The following PDE6A variants were observed in gnomAD, a reference collection of about 807,000 sequenced individuals.
PDE6A encodes phosphodiesterase 6A, also known as rod cGMP-specific 3',5'-cyclic phosphodiesterase subunit alpha.
Under a neutral mutation model 106.3 loss-of-function variants are expected in PDE6A, and 84 were observed. The ratio of observed to expected loss-of-function variants is 0.79; its 90% confidence interval spans 0.66 to 0.95. The LOEUF is 0.95. Among genes scored for constraint, PDE6A ranks in the 40% least tolerant of loss-of-function variants. The pLI is 0.00. For synonymous variants in PDE6A, 394 were observed against 386.6 expected, an observed-to-expected ratio of 1.02 and a Z score of -0.23; for missense variants, 1,052 against 1,084.9, an observed-to-expected ratio of 0.97 and a Z score of 0.43.
chr5:149,908,771 A>G (rs1753280584), intron 6 of PDE6A, among the ~76,000 whole-genome samples: 1 of 152,138 alleles, frequency 6.6e-6, no homozygotes, highest in African/African-American at 2.4e-5. Flanking sequence ...AGCCCCAGCG[A>G]CTGAGGAGTC....
chr5:149,935,816 G>C (rs1754164811), intron 1 of PDE6A, among the ~76,000 whole-genome samples: 1 of 152,218 alleles, frequency 6.6e-6, no homozygotes, highest in Non-Finnish European at 1.5e-5. Flanking sequence ...GCCGTTCTGA[G>C]TGGAAATGTA....
At chr5:149,866,430 A>G in intron 19 of PDE6A, 177 bp from the exon 20 acceptor site, 1 of 574,504 alleles carries the variant, frequency 1.7e-6, no homozygotes, top group Non-Finnish European at 3.1e-6. Context: ...GGGTGTAACC[A>G]ACCAAATCCA....
intron 3 of PDE6A, among the ~76,000 whole-genome samples, chr5:149,933,727 C>A (rs1361356412): frequency 6.6e-6 from 1 of 152,220 alleles, no homozygotes; most frequent in Non-Finnish European, 1.5e-5. Context: ...GGATTCAGAT[C>A]AAAGCCATCT....
chr5:149,868,436 C>T (rs60254740), intron 17 of PDE6A, among the ~76,000 whole-genome samples: 9,276 of 152,236 alleles, frequency 0.061, 345 homozygotes, highest in African/African-American at 0.099. Context: ...ACCTTACTCA[C>T]AAAACAGGTA....
chr5:149,914,838 A>G (rs989953780), intron 6 of PDE6A, 105 bp downstream of exon 6: 13 of 808,572 alleles, frequency 1.6e-5, no homozygotes, highest in Non-Finnish European at 2.4e-5. Context: ...ACACTTATGT[A>G]TTTTATGGAA....
chr5:149,915,029 ATACTT>A, intron 5 of PDE6A, 22 bp from the exon 6 acceptor site: 16 of 1,225,290 alleles, frequency 1.3e-5, no homozygotes, highest in Admixed American at 1.2e-4. Flanking sequence ...GAGAAAAATT[ATACTT>A]TTTTTTTTTT....
At chr5:149,876,889 C>T (rs75055692) in intron 17 of PDE6A, among the ~76,000 whole-genome samples, 3 of 151,548 alleles carry the variant, frequency 2.0e-5, no homozygotes, top group African/African-American at 7.3e-5. Flanking sequence ...ACTAGACAGA[C>T]AGATGATGAT....
At chr5:149,934,494 A>T in intron 2 of PDE6A, 72 bp downstream of exon 2, 1 of 1,517,508 alleles carries the variant, frequency 6.6e-7, no homozygotes. Flanking sequence ...GTCAAACAGC[A>T]AAGTTCAGGG....
At chr5:149,928,023 G>C (rs1354043323) in intron 4 of PDE6A, among the ~76,000 whole-genome samples, 1 of 151,234 alleles carries the variant, frequency 6.6e-6, no homozygotes, top group Non-Finnish European at 1.5e-5. Flanking sequence ...CTTTCTTCCA[G>C]AATGTCTCCT....
chr5:149,903,686 T>C lies in PDE6A; in HGVS notation c.1075A>G (p.Ile359Val), dbSNP rs1753072383. The part of the protein sequence containing the change: ...YVAQNGLICN[I>V]MNAPAEDFFA... ...AAGTCCTCCGCAGGCGCATTCATGATGTTGCAAATCTGAGAGCAGTGAAGG... is the reference window on the plus strand; with the variant it reads ...AAGTCCTCCGCAGGCGCATTCATGACGTTGCAAATCTGAGAGCAGTGAAGG... The change falls in exon 8 of 22, where the codon ATC becomes GTC. Residue 359 changes from isoleucine (I) to valine (V), a missense_variant. Ile to Val is a conservative substitution (Grantham distance 29). This residue lies in a region of PDE6A where 913 missense variants were observed against 915.2 expected (regional missense o/e 1.00). Transcript: ENST00000255266. 1 of 1,613,868 alleles carries C rather than the reference T, an allele frequency of 6.2e-7. No homozygotes were observed.
chr5:149,939,672 C>G (rs1044111897), intron 1 of PDE6A, among the ~76,000 whole-genome samples: 12 of 152,092 alleles, frequency 7.9e-5, no homozygotes, highest in Admixed American at 2.0e-4. Flanking sequence ...TCTTATTTCC[C>G]CATTTTATAA....
intron 4 of PDE6A, among the ~76,000 whole-genome samples, chr5:149,929,143 T>A (rs1753951565): frequency 6.6e-6 from 1 of 152,142 alleles, no homozygotes; most frequent in South Asian, 2.1e-4. Flanking sequence ...AGGGCACAAC[T>A]GTGTACTAGT....
At chr5:149,864,408 G>GT (rs961118961) in intron 20 of PDE6A, among the ~76,000 whole-genome samples, 30 of 151,880 alleles carry the variant, frequency 2.0e-4, no homozygotes, top group Non-Finnish European at 3.5e-4. Context: ...CAGCTAATTT[G>GT]TTTTTTTGGA....
intron 17 of PDE6A, among the ~76,000 whole-genome samples, chr5:149,879,160 C>T (rs189103843): frequency 2.6e-5 from 4 of 152,240 alleles, no homozygotes; most frequent in Admixed American, 2.0e-4. Context: ...CAACCTCCAC[C>T]TCCCACATTC....
chr5:149,862,047 C>T (rs1334052124), intron 21 of PDE6A, among the ~76,000 whole-genome samples: 8 of 152,132 alleles, frequency 5.3e-5, no homozygotes, highest in African/African-American at 7.2e-5. Context: ...AATCAACCCA[C>T]GCTGCCCAGA....
In PDE6A at chr5:149,863,013, A is replaced by T; in HGVS notation, c.2506+106T>A. ...CAGAATGGGGACAGTATTGGCCATC[A>T]GGAGGCCTGAATGAGACTCCGTGTA... On this transcript the variant is annotated intron_variant, in intron 21 of 21. Transcript: ENST00000255266. The surrounding 1 kb of genome is among the most constrained non-coding windows in gnomAD (Gnocchi z 4.7). 2.2e-6 allele frequency: 3 copies of T among 1,358,760 alleles called. No individual in the cohort carries two copies. The highest frequency in any genetic ancestry group is 1.9e-4 in the Middle Eastern group (1 of 5,250). 84.2% of individuals were successfully genotyped at this position (1,358,760 alleles called of 1,614,324 possible). A position where few individuals can be genotyped will look rare whatever the true frequency, so the allele number is the denominator to read the frequency against.
chr5:149,895,177 C>T lies in PDE6A; in HGVS notation c.1728+6G>A, dbSNP rs766022784. The T allele has an allele frequency of 1.9e-6, 3 of 1,604,450 alleles. No individual in the cohort carries two copies. The highest frequency in any genetic ancestry group is 2.2e-5 in the East Asian group (1 of 44,838). On this transcript the variant is annotated splice_donor_region_variant and intron_variant, in intron 13 of 21. Transcript: ENST00000255266. ...CACCCTACCAGCCCCACCGGCCCCG[C>T]CATACCACCAGCAGGGAGAACATGG...
intron 13 of PDE6A, among the ~76,000 whole-genome samples, 197 bp from the exon 14 acceptor site, chr5:149,886,571 A>G (rs905946281): frequency 1.3e-5 from 2 of 152,122 alleles, no homozygotes; most frequent in Non-Finnish European, 2.9e-5. Flanking sequence ...TCAGTGCTAG[A>G]ATGGGGAAAG....
chr5:149,863,005 T>G lies in PDE6A; in HGVS notation c.2506+114A>C, dbSNP rs987765975. The G allele has an allele frequency of 2.4e-6, 3 of 1,250,358 alleles. No individual in the cohort carries two copies. Among genetic ancestry groups the G allele is most frequent in the African/African-American group, 2.9e-5 (2 of 67,920 alleles). 77.5% of individuals were successfully genotyped at this position (1,250,358 alleles called of 1,614,324 possible). ...CTCACACACAGAATGGGGACAGTATTGGCCATCAGGAGGCCTGAATGAGAC... is the reference window on the plus strand; with the variant it reads ...CTCACACACAGAATGGGGACAGTATGGGCCATCAGGAGGCCTGAATGAGAC... On this transcript the variant is annotated intron_variant, in intron 21 of 21. Coordinates refer to ENST00000255266, the MANE Select transcript of PDE6A (RefSeq NM_000440.3). The surrounding 1 kb of genome is among the most constrained non-coding windows in gnomAD (Gnocchi z 4.7).
Sources: gnomAD v4.1 joint callset for allele counts (sites outside exome capture counted in the v4.1 genomes callset) on GRCh38, gnomAD v4.1.1 for gene constraint, gnomAD v4.1.1 regional missense constraint, Gnocchi (gnomAD v3.1) non-coding constraint, MANE v1.5 for transcripts, NCBI Gene and HGNC (gene_info 2026-07-23, HGNC 2026-07-21) for gene names.